Variants in HMGN5 observed in about 807,000 individuals in gnomAD.
The protein encoded by HMGN5 is high mobility group nucleosome binding domain 5, also known as high mobility group nucleosome-binding domain-containing protein 5.
A neutral mutation model predicts 9.5 loss-of-function variants in HMGN5; 4 were observed. The ratio of observed to expected loss-of-function variants is 0.42; its 90% CI spans 0.21 to 0.96. The LOEUF is 0.96. HMGN5 is among the 40% of genes least tolerant of loss of function. HMGN5 has a pLI of 0.30. For missense variants in HMGN5, 192 were observed against 187.5 expected, an observed-to-expected ratio of 1.02 and a Z score of -0.14; for synonymous variants, 55 against 57.1, an observed-to-expected ratio of 0.96 and a Z score of 0.16.
intron 2 of HMGN5, 101 bp downstream of exon 2, chrX:81,121,434 C>CA: frequency 1.1e-6 from 1 of 885,540 alleles, no homozygotes; most frequent in Non-Finnish European, 1.7e-6. Context: ...TGGAAGAAGC[C>CA]AAAAAGCTTT....
chrX:81,176,146 G>A (rs935466466), intron 1 of HMGN5, among the ~76,000 whole-genome samples: 2 of 111,776 alleles, frequency 1.8e-5, no homozygotes, highest in Non-Finnish European at 3.8e-5. Flanking sequence ...AACAGGGTCT[G>A]GAGTGGACCT....
chrX:81,172,931 C>G (rs1310599595), intron 1 of HMGN5, among the ~76,000 whole-genome samples: 1 of 110,856 alleles, frequency 9.0e-6, no homozygotes, highest in Non-Finnish European at 1.9e-5. Context: ...AGTAAGCACT[C>G]TCATATATTT....
chrX:81,155,075 G>GTATATATATA (rs761895749), intron 1 of HMGN5, among the ~76,000 whole-genome samples: 21 of 68,943 alleles, frequency 3.0e-4, no homozygotes, highest in Middle Eastern at 8.3e-3. Flanking sequence ...GTATATATCA[G>GTATATATATA]TATATATATA....
intron 1 of HMGN5, among the ~76,000 whole-genome samples, chrX:81,153,169 T>TA (rs933704251): frequency 9.3e-6 from 1 of 107,429 alleles, no homozygotes; most frequent in Non-Finnish European, 1.9e-5. Context: ...AATAAAAAAA[T>TA]AAAAAAAGAA....
intron 1 of HMGN5, among the ~76,000 whole-genome samples, chrX:81,122,717 G>C (rs773135360): frequency 8.9e-6 from 1 of 111,957 alleles, no homozygotes; most frequent in African/African-American, 3.2e-5. Flanking sequence ...TGCCAAAGGA[G>C]AATGTCTCCA....
At chrX:81,130,760 A>G (rs1224555088) in intron 1 of HMGN5, among the ~76,000 whole-genome samples, 2 of 111,046 alleles carry the variant, frequency 1.8e-5, no homozygotes, top group East Asian at 2.8e-4. Flanking sequence ...TTAATTCCAC[A>G]AATATTAATT....
At chrX:81,175,142 T>C (rs2075438018) in intron 1 of HMGN5, among the ~76,000 whole-genome samples, 1 of 112,006 alleles carries the variant, frequency 8.9e-6, no homozygotes, top group Non-Finnish European at 1.9e-5. Flanking sequence ...AAAAGCACTT[T>C]GGAAAAAGAA....
chrX:81,133,765 C>G (rs1190081022), intron 1 of HMGN5, among the ~76,000 whole-genome samples: 3 of 110,768 alleles, frequency 2.7e-5, no homozygotes, highest in Non-Finnish European at 5.7e-5. Flanking sequence ...GGGTACTAGG[C>G]TTAATACCCG....
chrX:81,153,640 T>TAA (rs2075374973), intron 1 of HMGN5, among the ~76,000 whole-genome samples: 2 of 51,397 alleles, frequency 3.9e-5, no homozygotes, highest in African/African-American at 1.6e-4. Flanking sequence ...TATATATATA[T>TAA]GTATCTCCTT....
intron 1 of HMGN5, 48 bp from the exon 2 acceptor site, chrX:81,121,720 A>G: frequency 2.7e-6 from 1 of 373,923 alleles, no homozygotes; most frequent in Non-Finnish European, 4.7e-6. Flanking sequence ...AAACACGCCA[A>G]GACGCAACCA....
intron 1 of HMGN5, among the ~76,000 whole-genome samples, chrX:81,174,444 A>G (rs1346315393): frequency 9.0e-6 from 1 of 111,667 alleles, no homozygotes; most frequent in Non-Finnish European, 1.9e-5. Context: ...ACATTTGTTT[A>G]TATAGTTATT....
At chrX:81,188,263 A>ATAT (rs558790724) in intron 1 of HMGN5, among the ~76,000 whole-genome samples, 3,820 of 86,920 alleles carry the variant, frequency 0.044, 71 homozygotes, top group East Asian at 0.12. Flanking sequence ...TGTGCACAGA[A>ATAT]TATTATTATT....
intron 1 of HMGN5, among the ~76,000 whole-genome samples, chrX:81,146,206 C>T (rs1010754472): frequency 1.8e-5 from 2 of 111,968 alleles, no homozygotes; most frequent in African/African-American, 6.5e-5. Flanking sequence ...ACATTCTTCT[C>T]AGCACCACAT....
At chrX:81,147,051 C>T (rs1243757979) in intron 1 of HMGN5, among the ~76,000 whole-genome samples, 1 of 111,506 alleles carries the variant, frequency 9.0e-6, no homozygotes, top group Admixed American at 9.5e-5. Flanking sequence ...GGACTCACAG[C>T]CAAATTCTAC....
chrX:81,189,752 A>G (rs1041961673), intron 1 of HMGN5, among the ~76,000 whole-genome samples: 5 of 112,219 alleles, frequency 4.5e-5, no homozygotes, highest in African/African-American at 9.7e-5. Context: ...ACCAAGCAGC[A>G]TGATTGCTGG....
intron 2 of HMGN5, among the ~76,000 whole-genome samples, chrX:81,120,111 C>T (rs901917053): frequency 8.9e-6 from 1 of 111,787 alleles, no homozygotes; most frequent in African/African-American, 3.3e-5. Context: ...TTTTGAAATC[C>T]ACCTGCTTTA....
At chrX:81,164,553 T>A (rs1259073225) in intron 1 of HMGN5, among the ~76,000 whole-genome samples, 1 of 111,859 alleles carries the variant, frequency 8.9e-6, no homozygotes, top group African/African-American at 3.2e-5. Flanking sequence ...CCTTTTTATG[T>A]GACATTCTTT....
chrX:81,171,847 A>T (rs2075426612), intron 1 of HMGN5, among the ~76,000 whole-genome samples: 1 of 111,255 alleles, frequency 9.0e-6, no homozygotes, highest in Non-Finnish European at 1.9e-5. Context: ...CCAAATTATG[A>T]TACATTACTG....
intron 1 of HMGN5, among the ~76,000 whole-genome samples, chrX:81,160,346 T>C (rs1204523613): frequency 8.9e-6 from 1 of 111,838 alleles, no homozygotes; most frequent in Non-Finnish European, 1.9e-5. Flanking sequence ...TTTTTCTTTT[T>C]CTTTTCTTGC....
Sources: gnomAD v4.1 joint callset for allele counts (sites outside exome capture counted in the v4.1 genomes callset) on GRCh38, gnomAD v4.1.1 for gene constraint, MANE v1.5 for transcripts, NCBI Gene and HGNC (gene_info 2026-07-23, HGNC 2026-07-21) for gene names.